The following NDUFA6 variants were observed in gnomAD, a reference collection of about 807,000 sequenced individuals.
The protein encoded by NDUFA6 is NADH:ubiquinone oxidoreductase subunit A6.
Under a neutral mutation model 12.5 loss-of-function variants are expected in NDUFA6, and 10 were observed. That is an observed-to-expected ratio of 0.80 (90% CI 0.49 to 1.35). The LOEUF is 1.35. Ranked by LOEUF, NDUFA6 falls within the 40% of genes most tolerant of loss-of-function variation. NDUFA6 has a pLI of 0.00. For missense variants in NDUFA6, 177 were observed against 173.5 expected, an observed-to-expected ratio of 1.02 and a Z score of -0.11; for synonymous variants, 66 against 63.0, an observed-to-expected ratio of 1.05 and a Z score of -0.23.
intron 1 of NDUFA6, among the ~76,000 whole-genome samples, chr22:42,088,474 C>CT (rs1025180717): frequency 3.2e-4 from 49 of 152,192 alleles, no homozygotes; most frequent in African/African-American, 1.1e-3. Context: ...AATCCCAGCA[C>CT]TTTGGGAGGC....
intron 1 of NDUFA6, chr22:42,089,758 G>T (rs1000179293): frequency 6.6e-6 from 1 of 152,136 alleles, no homozygotes; most frequent in Non-Finnish European, 1.5e-5. Flanking sequence ...AAGAAACTGA[G>T]GAATAGATGA....
At chr22:42,089,201 G>A (rs1335507637) in intron 1 of NDUFA6, among the ~76,000 whole-genome samples, 1 of 151,852 alleles carries the variant, frequency 6.6e-6, no homozygotes, top group Non-Finnish European at 1.5e-5. Flanking sequence ...CACCCTTTTT[G>A]AATGTGGTCC....
At chr22:42,086,450 A>G in intron 2 of NDUFA6, 136 bp from the exon 3 acceptor site, 1 of 1,110,836 alleles carries the variant, frequency 9.0e-7, no homozygotes, top group Non-Finnish European at 1.4e-6. Context: ...TGTCTGGGCA[A>G]AGTTTCTATG....
At chr22:42,090,545 C>T (rs2146878235) in intron 1 of NDUFA6, 61 bp downstream of exon 1, 3 of 1,597,062 alleles carry the variant, frequency 1.9e-6, no homozygotes, top group East Asian at 4.5e-5. Flanking sequence ...AAACCCCGGC[C>T]GGGCCGGCTA....
chr22:42,088,721 CA>C (rs59094967), intron 1 of NDUFA6, among the ~76,000 whole-genome samples: 11,564 of 71,882 alleles, frequency 0.16, 276 homozygotes, highest in African/African-American at 0.23. Flanking sequence ...GACTCTGTCT[CA>C]AAAAAAAAAA....
chr22:42,086,412 T>C (rs1967471172), intron 2 of NDUFA6, 98 bp from the exon 3 acceptor site: 10 of 1,512,850 alleles, frequency 6.6e-6, no homozygotes, highest in South Asian at 3.4e-5. Context: ...CATGGACTTG[T>C]TGAATGACCT....
chr22:42,085,862 G>A lies in NDUFA6; in HGVS notation c.*321C>T, dbSNP rs544559799. The A allele has an allele frequency of 1.1e-5, 5 of 443,998 alleles. No homozygotes were observed. The East Asian group carries it at 2.4e-4, about 21-fold the overall frequency. The allele number at this position is 443,998 out of a possible 1,614,324, so 27.5% of individuals were successfully genotyped here. ...CTGACACTGAAGTGTCTAATCATAGGGGCTATAGAAACAACTACATTAACA... is the reference window on the plus strand; with the variant it reads ...CTGACACTGAAGTGTCTAATCATAGAGGCTATAGAAACAACTACATTAACA... On this transcript the variant is annotated 3_prime_UTR_variant, in exon 3 of 3. Coordinates refer to ENST00000498737, the MANE Select transcript of NDUFA6 (RefSeq NM_002490.6).
chr22:42,088,070 G>GCAT (rs940031255), intron 1 of NDUFA6, among the ~76,000 whole-genome samples: 1 of 136,442 alleles, frequency 7.3e-6, no homozygotes, highest in African/African-American at 2.8e-5. Context: ...ATGGGCCACT[G>GCAT]CATTCCAGCC....
chr22:42,087,358 ATTAT>A (rs761980232), intron 1 of NDUFA6, 183 bp from the exon 2 acceptor site: 8 of 613,138 alleles, frequency 1.3e-5, no homozygotes, highest in Non-Finnish European at 2.3e-5. Context: ...CAAGGAACTT[ATTAT>A]TTGTTTGGGG....
chr22:42,087,336 G>C, intron 1 of NDUFA6, 161 bp from the exon 2 acceptor site: 1 of 659,364 alleles, frequency 1.5e-6, no homozygotes. Flanking sequence ...TGTGATTCAT[G>C]GTATTTGCTC....
At position 42,090,707 on chromosome 22, in the gene NDUFA6, G is replaced by T; in HGVS notation, c.38C>A (p.Ala13Asp). 1 of 1,614,164 alleles carries T rather than the reference G, an allele frequency of 6.2e-7. No individual in the cohort carries two copies. Among genetic ancestry groups the T allele is most frequent in the Non-Finnish European group, 8.5e-7 (1 of 1,180,030 alleles). The change falls in exon 1 of 3, where the codon GCC becomes GAC. Residue 13 changes from alanine to aspartate, a missense_variant. This residue lies in a region of NDUFA6 where 111 missense variants were observed against 87.2 expected (regional missense o/e 1.27). Transcript: ENST00000498737. Reference protein sequence around the residue: ...GSGVRQATSTASTFVKPIFSR... With the variant: ...GSGVRQATSTDSTFVKPIFSR... ...GAAAATGGGCTTCACGAAGGTGCTG[G>T]CGGTAGAAGTAGCTTGGCGGACGCC...
intron 2 of NDUFA6, among the ~76,000 whole-genome samples, chr22:42,086,730 C>T (rs769245158): frequency 6.6e-6 from 1 of 152,168 alleles, no homozygotes; most frequent in Non-Finnish European, 1.5e-5. Context: ...GGACTCATAA[C>T]CACCCTAACT....
At position 42,090,709 on chromosome 22, in the gene NDUFA6, G is replaced by C. The variant is rs184489177; in HGVS notation, c.36C>G (p.Thr12=). The C allele has an allele frequency of 6.2e-7, 1 of 1,614,178 alleles. No individual in the cohort carries two copies. The highest frequency in any genetic ancestry group is 1.1e-5 in the South Asian group (1 of 91,080). ...AGSGVRQATS[T]ASTFVKPIFS... ...AAATGGGCTTCACGAAGGTGCTGGC[G>C]GTAGAAGTAGCTTGGCGGACGCCGC... The change falls in exon 1 of 3, where the codon ACC becomes ACG. Residue 12 remains threonine, a synonymous_variant. Transcript: ENST00000498737.
chr22:42,088,721 C>CAAAA (rs59094967), intron 1 of NDUFA6, among the ~76,000 whole-genome samples: 14 of 71,896 alleles, frequency 1.9e-4, no homozygotes, highest in African/African-American at 6.1e-4. Flanking sequence ...GACTCTGTCT[C>CAAAA]AAAAAAAAAA....
At chr22:42,089,327 AACACACACACAC>A (rs59418535) in intron 1 of NDUFA6, among the ~76,000 whole-genome samples, 2 of 147,148 alleles carry the variant, frequency 1.4e-5, no homozygotes, top group African/African-American at 5.1e-5. Flanking sequence ...ACCACCCCGA[AACACACACACAC>A]ACACACACAC....
At chr22:42,090,148 C>A in intron 1 of NDUFA6, 1 of 253,202 alleles carries the variant, frequency 3.9e-6, no homozygotes, top group South Asian at 4.3e-5. Context: ...GATCGCACCA[C>A]TGCACTCCAG....
At chr22:42,090,180 C>CT (rs1361396385) in intron 1 of NDUFA6, among the ~76,000 whole-genome samples, 2 of 152,188 alleles carry the variant, frequency 1.3e-5, no homozygotes, top group African/African-American at 2.4e-5. Context: ...CAGCGAGACT[C>CT]TGTCACAAAC....
rs549686807 is a variant in NDUFA6, at chr22:42,090,534, G to T, written c.139+72C>A. The T allele has an allele frequency of 3.2e-6, 5 of 1,583,156 alleles. No homozygotes were observed. The East Asian group carries it at 1.1e-4, about 35-fold the overall frequency. ...TTGGTGACCTCAGCTGGGCCCATGA[G>T]AAACCCCGGCCGGGCCGGCTACGAC... On this transcript the variant is annotated intron_variant, in intron 1 of 2. Transcript: ENST00000498737.
chr22:42,090,391 T>C (rs1307781246), intron 1 of NDUFA6, among the ~76,000 whole-genome samples: 2 of 152,218 alleles, frequency 1.3e-5, no homozygotes, highest in Non-Finnish European at 2.9e-5. Flanking sequence ...AAAGCTCCGA[T>C]AGCACGTACG....
Sources: allele counts gnomAD v4.1 joint callset (sites outside exome capture counted in the v4.1 genomes callset), GRCh38; gene constraint gnomAD v4.1.1; regional missense constraint gnomAD v4.1.1; transcripts MANE v1.5; gene names NCBI Gene and HGNC (gene_info 2026-07-23, HGNC 2026-07-21).